Variants in ATP11A observed in about 807,000 individuals in gnomAD.
ATP11A encodes ATPase phospholipid transporting 11A.
A neutral mutation model predicts 154.4 loss-of-function variants in ATP11A; 81 were observed. The ratio of observed to expected loss-of-function variants is 0.52; its 90% confidence interval spans 0.44 to 0.63. The LOEUF is 0.63. ATP11A is among the 30% of genes least tolerant of loss of function. The probability of loss-of-function intolerance (pLI) is 0.00; values close to 1 mark genes in which losing one functional copy is unlikely to be tolerated. For synonymous variants in ATP11A, 623 were observed against 585.9 expected, an observed-to-expected ratio of 1.06 and a Z score of -0.91; for missense variants, 1,316 against 1,474.3, an observed-to-expected ratio of 0.89 and a Z score of 1.76.
At chr13:112,720,810 C>A (rs542664132) in intron 1 of ATP11A, among the ~76,000 whole-genome samples, 1 of 152,162 alleles carries the variant, frequency 6.6e-6, no homozygotes, top group African/African-American at 2.4e-5. Context: ...CCTGCCTTGG[C>A]CTCTCAAAGT....
chr13:112,744,894 C>G (rs138486388), intron 1 of ATP11A, among the ~76,000 whole-genome samples: 1 of 152,192 alleles, frequency 6.6e-6, no homozygotes, highest in South Asian at 2.1e-4. Flanking sequence ...ACAGGGATGT[C>G]CCTTTCAAAC....
intron 28 of ATP11A, among the ~76,000 whole-genome samples, 165 bp from the exon 29 acceptor site, chr13:112,878,052 A>G (rs869883): frequency 0.033 from 5,073 of 152,294 alleles, 292 homozygotes; most frequent in African/African-American, 0.12. Context: ...GTCCGCCCAG[A>G]GTGACCAGAA....
chr13:112,875,487 T>G lies in ATP11A; in HGVS notation c.3162-289T>G, dbSNP rs1183592316. Among the ~76,000 whole-genome samples the G allele has an allele frequency of 1.4e-5, 1 of 71,458 alleles. No individual in the cohort carries two copies. The highest frequency in any genetic ancestry group is 3.1e-5 in the Non-Finnish European group (1 of 32,104). The allele number at this position is 71,458 out of a possible 152,430, so 46.9% of individuals were successfully genotyped here. On this transcript the variant is annotated intron_variant, in intron 27 of 29. Transcript: ENST00000375645. The surrounding 1 kb of genome is among the most constrained non-coding windows in gnomAD (Gnocchi z 4.1). ...CTATTTCAATCCCTTTGTGTTTTGT[T>G]TTTTGTTTTTTTTTTTTTTGCTTCT...
intron 2 of ATP11A, among the ~76,000 whole-genome samples, chr13:112,791,255 A>G (rs1361216714): frequency 6.6e-6 from 1 of 152,230 alleles, no homozygotes; most frequent in Non-Finnish European, 1.5e-5. Flanking sequence ...GCAGGATTCC[A>G]GGATATGGGT....
In ATP11A at chr13:112,857,836, T is replaced by A; in HGVS notation, c.2437T>A (p.Phe813Ile). Reference protein sequence around the residue: ...QKAQIVKLIKFSKEHPITLAI... With the variant: ...QKAQIVKLIKISKEHPITLAI... ...TTTGCAGATTGTTAAATTAATCAAA[T>A]TTTCAAAAGAGCACCCAATCACGTT... is the stretch of plus-strand genomic sequence containing the variant. The change falls in exon 21 of 30, where the codon TTT (phenylalanine) becomes ATT (isoleucine). Residue 813 changes from phenylalanine (F) to isoleucine (I), a missense_variant. By Grantham distance (21) the Phe-to-Ile change is conservative (BLOSUM62 0). Coordinates refer to ENST00000375645, the MANE Select transcript of ATP11A (RefSeq NM_015205.3). 1 of 1,614,128 alleles carries A rather than the reference T, an allele frequency of 6.2e-7. No individual in the cohort carries two copies. The highest frequency in any genetic ancestry group is 1.1e-5 in the South Asian group (1 of 91,086).
intron 1 of ATP11A, among the ~76,000 whole-genome samples, chr13:112,731,501 T>C (rs1176145840): frequency 6.6e-6 from 1 of 152,200 alleles, no homozygotes; most frequent in African/African-American, 2.4e-5. Context: ...TGATAATCAA[T>C]TGCACGGCAC....
intron 1 of ATP11A, among the ~76,000 whole-genome samples, chr13:112,757,954 C>T (rs761652622): frequency 1.3e-5 from 2 of 152,202 alleles, no homozygotes; most frequent in African/African-American, 4.8e-5. Flanking sequence ...CAGAGAGCTG[C>T]TTCTGAACTT....
At chr13:112,832,735 CA>C in intron 13 of ATP11A, 124 bp from the exon 14 acceptor site, 1 of 1,094,424 alleles carries the variant, frequency 9.1e-7, no homozygotes, top group Non-Finnish European at 1.3e-6. Context: ...TCACCGCCCA[CA>C]AGCTGCCTTC....
At position 112,832,405 on chromosome 13, in the gene ATP11A, G is replaced by A. The variant is rs114447681; in HGVS notation, c.1396-455G>A. On this transcript the variant is annotated intron_variant, in intron 13 of 29. Coordinates refer to ENST00000375645, the MANE Select transcript of ATP11A (RefSeq NM_015205.3). Reference sequence around the variant, plus strand: ...ATGTGACAATGTGAGTCAACAGCAGGAGCGCCACAGGTCACGCCTAGTCTA... The same window carrying A: ...ATGTGACAATGTGAGTCAACAGCAGAAGCGCCACAGGTCACGCCTAGTCTA... Among the ~76,000 whole-genome samples, 1,235 of 152,312 alleles carry A rather than the reference G, an allele frequency of 8.1e-3. 17 individuals carry two copies. Among genetic ancestry groups the A allele is most frequent in the African/African-American group, 0.028 (1,170 of 41,562 alleles).
Position 112,859,765 on chromosome 13 carries a change from C to T in ATP11A, c.2727+313C>T, listed in dbSNP as rs1309678896. 1.3e-5 allele frequency among the ~76,000 whole-genome samples: 2 copies of T among 152,208 alleles called. No homozygotes were observed. Among genetic ancestry groups the T allele is most frequent in the South Asian group, 4.1e-4 (2 of 4,834 alleles). ...TGGGCTGGGCATCCTGATGCCACTG[C>T]AAGAATTAACTCCAACTCGAGGTCC... is the stretch of plus-strand genomic sequence containing the variant. On this transcript the variant is annotated intron_variant, in intron 23 of 29. Coordinates refer to ENST00000375645, the MANE Select transcript of ATP11A (RefSeq NM_015205.3). This position sits in a 1 kb window ranked among gnomAD's most constrained non-coding sequence, Gnocchi z 4.3.
At chr13:112,738,912 G>C (rs1478113233) in intron 1 of ATP11A, among the ~76,000 whole-genome samples, 1 of 152,086 alleles carries the variant, frequency 6.6e-6, no homozygotes, top group East Asian at 1.9e-4. Context: ...TGAAACAGCA[G>C]ATTCCTTGGG....
intron 12 of ATP11A, 137 bp from the exon 13 acceptor site, chr13:112,831,238 G>C (rs2079075529): frequency 2.1e-6 from 2 of 959,308 alleles, no homozygotes; most frequent in African/African-American, 1.6e-5. Context: ...GGGTCTGTCT[G>C]GGGGAAAGCC....
At chr13:112,833,192 G>A (rs537284040) in intron 14 of ATP11A, among the ~76,000 whole-genome samples, 169 bp downstream of exon 14, 1 of 152,210 alleles carries the variant, frequency 6.6e-6, no homozygotes, top group Non-Finnish European at 1.5e-5. Context: ...CCCTGTATGA[G>A]CCCCTCCCAC....
At chr13:112,814,752 T>A (rs2078595773) in intron 5 of ATP11A, among the ~76,000 whole-genome samples, 1 of 152,220 alleles carries the variant, frequency 6.6e-6, no homozygotes, top group Non-Finnish European at 1.5e-5. Flanking sequence ...TTGGTCACTG[T>A]AGCTGTCTCA....
At position 112,883,649 on chromosome 13, in the gene ATP11A, C is replaced by A. The variant is rs1003549040; in HGVS notation, c.*1783C>A. Reference sequence around the variant, plus strand: ...ATAAAATAAGGTGACAAACATCACACCAAAGATGAGGGTAGCGAGCAACTG... The same window carrying A: ...ATAAAATAAGGTGACAAACATCACAACAAAGATGAGGGTAGCGAGCAACTG... On this transcript the variant is annotated 3_prime_UTR_variant, in exon 30 of 30. Transcript: ENST00000375645. 3 of 153,198 alleles carry A rather than the reference C, an allele frequency of 2.0e-5. No individual in the cohort carries two copies. Among genetic ancestry groups the A allele is most frequent in the Admixed American group, 6.5e-5 (1 of 15,294 alleles). 9.5% of individuals were successfully genotyped at this position (153,198 alleles called of 1,614,324 possible).
In ATP11A at chr13:112,796,598, A is replaced by T. The variant is rs150030266; in HGVS notation, c.163-8359A>T. ...CCTGCTGATACTTTAATTTTAACCC[A>T]GTGAATCCCATTGCAAACTTCTGAC... On this transcript the variant is annotated intron_variant, in intron 2 of 29. Transcript: ENST00000375645. 2.4e-4 allele frequency among the ~76,000 whole-genome samples: 36 copies of T among 152,354 alleles called. No homozygotes were observed. In the East Asian group the frequency reaches 6.7e-3, roughly 29 times the overall value.
chr13:112,873,449 C>G (rs918719282), intron 26 of ATP11A, 124 bp from the exon 27 acceptor site: 1 of 653,670 alleles, frequency 1.5e-6, no homozygotes, highest in East Asian at 3.0e-5. Context: ...GGCATTGAGT[C>G]GTCATTGCTG....
At chr13:112,855,849 A>G (rs1009511092) in intron 19 of ATP11A, 62 bp from the exon 20 acceptor site, 2 of 1,457,376 alleles carry the variant, frequency 1.4e-6, no homozygotes, top group Non-Finnish European at 1.9e-6. Flanking sequence ...AAAACAATAC[A>G]GTCTTCTAAA....
At chr13:112,729,111 C>T (rs1890212014) in intron 1 of ATP11A, among the ~76,000 whole-genome samples, 1 of 152,192 alleles carries the variant, frequency 6.6e-6, no homozygotes, top group Non-Finnish European at 1.5e-5. Flanking sequence ...ATCTGAGTGA[C>T]AAAATCGGTG....
Sources: allele counts gnomAD v4.1 joint callset (sites outside exome capture counted in the v4.1 genomes callset), GRCh38; gene constraint gnomAD v4.1.1; non-coding constraint Gnocchi (gnomAD v3.1); transcripts MANE v1.5; gene names NCBI Gene and HGNC (gene_info 2026-07-23, HGNC 2026-07-21).